The following MYO3B variants were observed in gnomAD, a reference collection of about 807,000 sequenced individuals.
MYO3B encodes myosin-IIIb.
A neutral mutation model predicts 174.6 loss-of-function variants in MYO3B; 156 were observed. That is an observed-to-expected ratio of 0.89 (90% CI 0.78 to 1.02). MYO3B has a LOEUF of 1.02. Ranked by LOEUF, MYO3B falls within the 50% of genes least tolerant of loss-of-function variation. The pLI, the probability that MYO3B is intolerant of heterozygous loss-of-function variation, is 0.00. For missense variants in MYO3B, 1,632 were observed against 1,639.4 expected (o/e 1.00, Z 0.08); for synonymous variants, 563 against 569.1 (o/e 0.99, Z 0.15).
At chr2:170,639,919 C>T (rs1016822064) in intron 32 of MYO3B, among the ~76,000 whole-genome samples, 1 of 152,190 alleles carries the variant, frequency 6.6e-6, no homozygotes, top group African/African-American at 2.4e-5. Context: ...CTACTTTGGG[C>T]TCAAGCCATT....
chr2:170,458,496 T>C (rs1167903582), intron 23 of MYO3B, among the ~76,000 whole-genome samples: 1 of 152,176 alleles, frequency 6.6e-6, no homozygotes, highest in Non-Finnish European at 1.5e-5. Context: ...CTTTGTCAAA[T>C]CCCCACTTTT....
intron 32 of MYO3B, among the ~76,000 whole-genome samples, chr2:170,561,768 A>G (rs923409433): frequency 6.6e-6 from 1 of 152,206 alleles, no homozygotes; most frequent in Non-Finnish European, 1.5e-5. Context: ...ATATGTCTCT[A>G]TAAATCATCA....
At chr2:170,475,226 C>T (rs201972190) in intron 25 of MYO3B, among the ~76,000 whole-genome samples, 21 of 152,122 alleles carry the variant, frequency 1.4e-4, no homozygotes, top group Non-Finnish European at 2.6e-4. Context: ...ACTTCCCTTT[C>T]GCAGGGTCTC....
At chr2:170,440,514 C>T (rs2094791648) in intron 22 of MYO3B, among the ~76,000 whole-genome samples, 1 of 151,966 alleles carries the variant, frequency 6.6e-6, no homozygotes, top group African/African-American at 2.4e-5. Context: ...AAATTTATTC[C>T]TATTATATTT....
At chr2:170,264,285 C>T (rs768740262) in intron 7 of MYO3B, among the ~76,000 whole-genome samples, 1 of 152,160 alleles carries the variant, frequency 6.6e-6, no homozygotes, top group Non-Finnish European at 1.5e-5. Context: ...GTTACATGGC[C>T]TCCTTTCTTT....
Position 170,613,199 on chromosome 2 carries a change from T to A in MYO3B, c.3734-38429T>A, listed in dbSNP as rs1375227173. Among the ~76,000 whole-genome samples, 4 of 152,184 alleles carry A rather than the reference T, an allele frequency of 2.6e-5. No homozygotes were observed. In the East Asian group the frequency reaches 7.7e-4, roughly 29 times the overall value. The stretch of plus-strand genomic sequence containing the variant: ...CTCACTCACTCTCAGCAATGACTTT[T>A]CAGAAGCATGAAAACAACCTCCCAT... On this transcript the variant is annotated intron_variant, in intron 32 of 34. Transcript: ENST00000408978.
intron 8 of MYO3B, among the ~76,000 whole-genome samples, chr2:170,361,716 C>T (rs577753322): frequency 3.5e-4 from 54 of 152,342 alleles, no homozygotes; most frequent in Non-Finnish European, 8.8e-5. Context: ...GCCTGGTTCA[C>T]TTGGCCCTTC....
chr2:170,474,336 A>G (rs1352690407), intron 25 of MYO3B, among the ~76,000 whole-genome samples: 1 of 152,102 alleles, frequency 6.6e-6, no homozygotes, highest in Non-Finnish European at 1.5e-5. Flanking sequence ...GCCCAGGGGT[A>G]TGATTGGCAG....
intron 7 of MYO3B, among the ~76,000 whole-genome samples, chr2:170,332,854 T>A (rs1402094798): frequency 2.0e-5 from 3 of 152,192 alleles, no homozygotes; most frequent in Admixed American, 2.0e-4. Flanking sequence ...TACATTGTTC[T>A]CTATACTAAA....
chr2:170,223,578 A>G (rs1481145786), intron 6 of MYO3B, among the ~76,000 whole-genome samples: 3 of 152,230 alleles, frequency 2.0e-5, no homozygotes, highest in Non-Finnish European at 4.4e-5. Context: ...GGGATTTCCA[A>G]TGTAACCCGT....
intron 7 of MYO3B, among the ~76,000 whole-genome samples, chr2:170,286,712 GTCT>G (rs1440082737): frequency 6.6e-6 from 1 of 151,760 alleles, no homozygotes; most frequent in Non-Finnish European, 1.5e-5. Context: ...TTTAACTTAG[GTCT>G]TCTTTTCTGT....
chr2:170,444,172 A>C lies in MYO3B; in HGVS notation c.2730+126A>C, dbSNP rs6726539. ...TCTGCCTGGGCAGTCTAGTAGAGAG[A>C]TTAAAGGCATTTAGGAAATCAGGGG... On this transcript the variant is annotated intron_variant, in intron 23 of 34. Coordinates refer to ENST00000408978, the MANE Select transcript of MYO3B (RefSeq NM_138995.5). 954 of 634,640 alleles carry C rather than the reference A, an allele frequency of 1.5e-3. 5 individuals carry two copies. The African/African-American group carries it at 0.016, about 11-fold the overall frequency. The allele number at this position is 634,640 out of a possible 1,614,324, so 39.3% of individuals were successfully genotyped here. A position where few individuals can be genotyped will look rare whatever the true frequency, so the allele number is the denominator to read the frequency against.
At chr2:170,558,253 A>G (rs531837096) in intron 32 of MYO3B, among the ~76,000 whole-genome samples, 34 of 151,910 alleles carry the variant, frequency 2.2e-4, no homozygotes, top group African/African-American at 8.2e-4. Context: ...GTGAGCTGAG[A>G]TCGTACCACT....
chr2:170,266,821 A>G (rs1243154292), intron 7 of MYO3B, among the ~76,000 whole-genome samples: 1 of 152,262 alleles, frequency 6.6e-6, no homozygotes, highest in East Asian at 1.9e-4. Flanking sequence ...AGGAATGACA[A>G]CACTTGGCAT....
intron 3 of MYO3B, among the ~76,000 whole-genome samples, chr2:170,211,737 C>T (rs2092772577): frequency 6.6e-6 from 1 of 152,138 alleles, no homozygotes; most frequent in Non-Finnish European, 1.5e-5. Flanking sequence ...AGCATTGCCA[C>T]ATGGTTACAG....
rs147325924 is a variant in MYO3B, at chr2:170,223,262, A to G, written c.603+5867A>G. 1.8e-4 allele frequency among the ~76,000 whole-genome samples: 27 copies of G among 152,232 alleles called. No homozygotes were observed. In the East Asian group the frequency reaches 2.9e-3, roughly 16 times the overall value. ...GCCTGCATTTTATGCACTTAAAAAA[A>G]CTCACAAAAACAACACAGTCTTCCT... On this transcript the variant is annotated intron_variant, in intron 6 of 34. Transcript: ENST00000408978.
chr2:170,622,884 C>A (rs993431832), intron 32 of MYO3B, among the ~76,000 whole-genome samples: 5 of 152,092 alleles, frequency 3.3e-5, no homozygotes, highest in East Asian at 1.9e-4. Flanking sequence ...CATCCATGTC[C>A]CTACAAAGGA....
chr2:170,236,272 AGC>A, intron 7 of MYO3B, 136 bp downstream of exon 7: 2 of 1,061,258 alleles, frequency 1.9e-6, no homozygotes, highest in Non-Finnish European at 2.7e-6. Flanking sequence ...TCTTTGAAAA[AGC>A]AAGGGGGGCT....
At chr2:170,651,022 A>G (rs1205440033) in intron 32 of MYO3B, among the ~76,000 whole-genome samples, 1 of 152,130 alleles carries the variant, frequency 6.6e-6, no homozygotes, top group Non-Finnish European at 1.5e-5. Flanking sequence ...AGGGTTCTGA[A>G]ATCAGGACAA....
Sources: allele counts gnomAD v4.1 joint callset (sites outside exome capture counted in the v4.1 genomes callset), GRCh38; gene constraint gnomAD v4.1.1; transcripts MANE v1.5; gene names NCBI Gene and HGNC (gene_info 2026-07-23, HGNC 2026-07-21).